Variants in RBFOX3 observed in about 807,000 individuals in gnomAD.
RBFOX3 encodes the protein RNA binding fox-1 homolog 3, also known as RNA binding protein fox-1 homolog 3.
A neutral mutation model predicts 48.7 loss-of-function variants in RBFOX3; 17 were observed. The observed-to-expected ratio is 0.35, with a 90% CI of 0.24 to 0.52. The LOEUF is 0.52. RBFOX3 is among the 20% of genes least tolerant of loss of function. The probability of loss-of-function intolerance (pLI) is 0.94; values close to 1 mark genes in which losing one functional copy is unlikely to be tolerated. For synonymous variants in RBFOX3, 212 were observed against 209.5 expected (o/e 1.01, Z -0.10); for missense variants, 382 against 497.5 (o/e 0.77, Z 2.21).
At chr17:79,206,730 C>T (rs1014633531) in intron 4 of RBFOX3, among the ~76,000 whole-genome samples, 1 of 152,182 alleles carries the variant, frequency 6.6e-6, no homozygotes, top group Admixed American at 6.5e-5. Context: ...CCAGTTAACA[C>T]CCCATGGTGC....
intron 1 of RBFOX3, among the ~76,000 whole-genome samples, chr17:79,518,024 C>G (rs2085503058): frequency 6.6e-6 from 1 of 152,194 alleles, no homozygotes. Flanking sequence ...TGTAATTAAA[C>G]AGTATCCACA....
chr17:79,096,184 A>G (rs1390737221), intron 12 of RBFOX3, among the ~76,000 whole-genome samples: 1 of 152,202 alleles, frequency 6.6e-6, no homozygotes, highest in Non-Finnish European at 1.5e-5. Context: ...AGACAGAGGA[A>G]GCAGCACATG....
intron 2 of RBFOX3, among the ~76,000 whole-genome samples, chr17:79,468,061 C>T (rs1273235736): frequency 6.6e-6 from 1 of 152,088 alleles, no homozygotes; most frequent in Non-Finnish European, 1.5e-5. Flanking sequence ...TTGTTTGGTT[C>T]GCTGAGCCCT....
chr17:79,539,446 A>C (rs1486131415), intron 1 of RBFOX3, among the ~76,000 whole-genome samples: 2 of 152,250 alleles, frequency 1.3e-5, no homozygotes, highest in Non-Finnish European at 2.9e-5. Context: ...CTTTTTATAA[A>C]GTAACCCAGG....
chr17:79,341,197 T>G (rs1487172015), intron 2 of RBFOX3, among the ~76,000 whole-genome samples: 1 of 152,154 alleles, frequency 6.6e-6, no homozygotes, highest in African/African-American at 2.4e-5. Flanking sequence ...CGTGGGTGTG[T>G]GCAGAGAGTC....
At chr17:79,386,438 A>G (rs575155454) in intron 2 of RBFOX3, among the ~76,000 whole-genome samples, 4 of 152,358 alleles carry the variant, frequency 2.6e-5, no homozygotes, top group East Asian at 1.9e-4. Context: ...GGGAAACTCA[A>G]TAAGAGCCAG....
chr17:79,492,013 T>C (rs1250709487), intron 1 of RBFOX3, among the ~76,000 whole-genome samples: 7 of 152,162 alleles, frequency 4.6e-5, no homozygotes, highest in Admixed American at 1.3e-4. Flanking sequence ...GAGGTGGAAA[T>C]TGCGGTGAGC....
intron 4 of RBFOX3, chr17:79,234,720 G>GTTTTT (rs2061427031): frequency 1.1e-5 from 1 of 92,142 alleles, no homozygotes; most frequent in African/African-American, 5.5e-5. Flanking sequence ...GGCATTAAGT[G>GTTTTT]CTTTTTTTTT....
chr17:79,239,338 CCTCA>C (rs2062033189), intron 3 of RBFOX3, among the ~76,000 whole-genome samples: 1 of 152,166 alleles, frequency 6.6e-6, no homozygotes, highest in African/African-American at 2.4e-5. Flanking sequence ...TGATTCTCAG[CCTCA>C]CTGTTAGCAA....
At chr17:79,590,161 C>A (rs2093376093) in intron 1 of RBFOX3, among the ~76,000 whole-genome samples, 2 of 152,102 alleles carry the variant, frequency 1.3e-5, no homozygotes, top group Non-Finnish European at 2.9e-5. Context: ...ACTTCTTTAC[C>A]ATCCCCATCC....
At chr17:79,378,622 G>T (rs991042413) in intron 2 of RBFOX3, among the ~76,000 whole-genome samples, 10 of 152,110 alleles carry the variant, frequency 6.6e-5, no homozygotes, top group Non-Finnish European at 1.0e-4. Flanking sequence ...GGCTGTGTGG[G>T]GGGCCCGGAA....
At chr17:79,410,305 G>A (rs751224563) in intron 2 of RBFOX3, among the ~76,000 whole-genome samples, 8 of 152,234 alleles carry the variant, frequency 5.3e-5, no homozygotes, top group Non-Finnish European at 1.0e-4. Context: ...ACCCTGCTGC[G>A]TTTCAGGCTG....
chr17:79,167,958 C>T (rs1276247282), intron 4 of RBFOX3, among the ~76,000 whole-genome samples: 1 of 152,242 alleles, frequency 6.6e-6, no homozygotes, highest in Non-Finnish European at 1.5e-5. Flanking sequence ...GGTAAAAGCC[C>T]TTCCCTTCAC....
rs1237565745 is a variant in RBFOX3, at chr17:79,111,133, A to T, written c.223-4345T>A. ...GAGGCTCAGGCCCGACGGACAGCAG[A>T]AAGGACAGAGGTTCATCCTGGGGCT... On this transcript the variant is annotated intron_variant, in intron 5 of 14. Coordinates refer to ENST00000693108, the MANE Select transcript of RBFOX3 (RefSeq NM_001350451.2). The surrounding 1 kb of genome is among the most constrained non-coding windows in gnomAD (Gnocchi z 4.2). Among the ~76,000 whole-genome samples the T allele has an allele frequency of 6.6e-6, 1 of 152,198 alleles. No homozygotes were observed. The highest frequency in any genetic ancestry group is 1.5e-5 in the Non-Finnish European group (1 of 68,032).
At position 79,345,801 on chromosome 17, in the gene RBFOX3, A is replaced by C. The variant is rs1260972632; in HGVS notation, c.-174-37977T>G. ...TCACTTTTTCTAAACCATTCAATAT[A>C]TTGAATTAAAAAGCACTTATTTTTT... On this transcript the variant is annotated intron_variant, in intron 2 of 14. Coordinates refer to ENST00000693108, the MANE Select transcript of RBFOX3 (RefSeq NM_001350451.2). 2.0e-5 allele frequency among the ~76,000 whole-genome samples: 3 copies of C among 152,160 alleles called. No individual in the cohort carries two copies. The East Asian group carries it at 5.8e-4, about 29-fold the overall frequency.
chr17:79,503,122 C>T (rs1280136029), intron 1 of RBFOX3, among the ~76,000 whole-genome samples: 2 of 152,192 alleles, frequency 1.3e-5, no homozygotes, highest in Non-Finnish European at 2.9e-5. Context: ...AGAGAACAGG[C>T]TCCCTGGTGT....
intron 2 of RBFOX3, among the ~76,000 whole-genome samples, chr17:79,318,880 A>AAAAAG (rs1568032899): frequency 5.0e-5 from 6 of 118,850 alleles, no homozygotes; most frequent in African/African-American, 1.5e-4. Flanking sequence ...AAAAAAAAAA[A>AAAAAG]GGGATGGAGG....
intron 3 of RBFOX3, among the ~76,000 whole-genome samples, chr17:79,250,211 T>C (rs1205043683): frequency 6.6e-6 from 1 of 152,216 alleles, no homozygotes; most frequent in Non-Finnish European, 1.5e-5. Context: ...AATGTGAACA[T>C]GGACTTCTAT....
intron 2 of RBFOX3, among the ~76,000 whole-genome samples, chr17:79,373,176 C>T (rs1352723469): frequency 6.6e-6 from 1 of 152,126 alleles, no homozygotes; most frequent in Non-Finnish European, 1.5e-5. Context: ...ACCGGACTCC[C>T]CCAGCTGTGG....
Sources: allele counts gnomAD v4.1 joint callset (sites outside exome capture counted in the v4.1 genomes callset), GRCh38; gene constraint gnomAD v4.1.1; non-coding constraint Gnocchi (gnomAD v3.1); transcripts MANE v1.5; gene names NCBI Gene and HGNC (gene_info 2026-07-23, HGNC 2026-07-21).